ZNF804B: variants seen among roughly 807,000 people sequenced by gnomAD.
ZNF804B encodes the protein zinc finger protein 804B.
In ZNF804B, 80 loss-of-function variants were observed where a neutral mutation model predicts 101.4. The observed-to-expected ratio is 0.79, with a 90% CI of 0.66 to 0.95. ZNF804B has a LOEUF of 0.95. Ranked by LOEUF, ZNF804B falls within the 40% of genes least tolerant of loss-of-function variation. The pLI is 0.00. For missense variants in ZNF804B, 1,673 were observed against 1,561.9 expected, an observed-to-expected ratio of 1.07 and a Z score of -1.20; for synonymous variants, 622 against 558.8, an observed-to-expected ratio of 1.11 and a Z score of -1.59.
intron 1 of ZNF804B, among the ~76,000 whole-genome samples, chr7:88,804,486 A>G (rs952967211): frequency 4.6e-5 from 7 of 152,066 alleles, no homozygotes; most frequent in African/African-American, 7.2e-5. Context: ...TGTTTCTTTT[A>G]TCTTCTTTTA....
At chr7:88,960,371 A>C (rs1793371774) in intron 1 of ZNF804B, among the ~76,000 whole-genome samples, 1 of 151,230 alleles carries the variant, frequency 6.6e-6, no homozygotes. Context: ...ATGTGGCAGC[A>C]CCAGTGGTGT....
At chr7:89,108,239 T>C (rs1208038740) in intron 1 of ZNF804B, among the ~76,000 whole-genome samples, 5 of 151,682 alleles carry the variant, frequency 3.3e-5, no homozygotes, top group African/African-American at 1.2e-4. Context: ...TTTTTTTCTT[T>C]TCTTCCACCT....
In ZNF804B at chr7:89,263,528, A is replaced by G. The variant is rs137861500; in HGVS notation, c.249+45233A>G. ...ATGTATTCAAGTCTGCTATGTTGAAATAGAATTCAATAGTGACCTTCAAAA... is the reference window on the plus strand; with the variant it reads ...ATGTATTCAAGTCTGCTATGTTGAAGTAGAATTCAATAGTGACCTTCAAAA... On this transcript the variant is annotated intron_variant, in intron 2 of 3. Transcript: ENST00000333190. Among the ~76,000 whole-genome samples the G allele has an allele frequency of 4.6e-5, 7 of 152,288 alleles. No homozygotes were observed. In the East Asian group the frequency reaches 1.4e-3, roughly 29 times the overall value.
intron 2 of ZNF804B, among the ~76,000 whole-genome samples, chr7:89,242,876 C>T (rs918872865): frequency 6.6e-6 from 1 of 151,724 alleles, no homozygotes; most frequent in Non-Finnish European, 1.5e-5. Flanking sequence ...GTTTTACTTA[C>T]CAATTAAATC....
rs140333866 is a variant in ZNF804B at position 88,982,569 on chromosome 7, G to A, written c.108+222485G>A. On this transcript the variant is annotated intron_variant, in intron 1 of 3. Transcript: ENST00000333190. ...CCCTCACATAGTTGTCCCCAGGTCTGTATTGACTGTGTCCTAATCTTTCCT... is the reference window on the plus strand; with the variant it reads ...CCCTCACATAGTTGTCCCCAGGTCTATATTGACTGTGTCCTAATCTTTCCT... Among the ~76,000 whole-genome samples the A allele has an allele frequency of 2.6e-4, 39 of 152,150 alleles. No individual in the cohort carries two copies. The East Asian group carries it at 4.1e-3, about 16-fold the overall frequency.
At chr7:88,802,020 G>A (rs913565375) in intron 1 of ZNF804B, among the ~76,000 whole-genome samples, 2 of 151,998 alleles carry the variant, frequency 1.3e-5, no homozygotes, top group Admixed American at 6.6e-5. Context: ...TGGATCTTGG[G>A]GCAGTTTCCC....
At chr7:89,177,702 G>T (rs1460759848) in intron 1 of ZNF804B, among the ~76,000 whole-genome samples, 2 of 152,160 alleles carry the variant, frequency 1.3e-5, no homozygotes, top group East Asian at 3.8e-4. Flanking sequence ...TGAAAATGGG[G>T]TGTTGAATTC....
Position 88,868,399 on chromosome 7 carries a change from A to G in ZNF804B, c.108+108315A>G, listed in dbSNP as rs921119259. ...GGTATTTGAGTATAATATGTAATCTATTATTTTCTCATTACTTCTACCTCA... is the reference window on the plus strand; with the variant it reads ...GGTATTTGAGTATAATATGTAATCTGTTATTTTCTCATTACTTCTACCTCA... On this transcript the variant is annotated intron_variant, in intron 1 of 3. Transcript: ENST00000333190. 3.3e-5 allele frequency among the ~76,000 whole-genome samples: 5 copies of G among 152,276 alleles called. No individual in the cohort carries two copies. In the South Asian group the frequency reaches 8.3e-4, roughly 25 times the overall value.
chr7:88,799,370 T>G (rs1275163836), intron 1 of ZNF804B, among the ~76,000 whole-genome samples: 1 of 152,030 alleles, frequency 6.6e-6, no homozygotes, highest in East Asian at 1.9e-4. Context: ...AACCAAAATT[T>G]AGAGTAGTTA....
chr7:89,335,366 A>T lies in ZNF804B; in HGVS notation c.2384A>T (p.Lys795Ile). 6.2e-7 allele frequency: 1 copy of T among 1,613,732 alleles called. No homozygotes were observed. Among genetic ancestry groups the T allele is most frequent in the Non-Finnish European group, 8.5e-7 (1 of 1,179,934 alleles). Residue 795 changes from lysine to isoleucine, a missense_variant, in exon 4 of 4, where the codon AAA becomes ATA. Lys to Ile is a moderately radical substitution (Grantham distance 102). Coordinates refer to ENST00000333190, the MANE Select transcript of ZNF804B (RefSeq NM_181646.5). ...TTGTGGGAATCATTTAAAAATGAAA[A>T]ATACTCAAAACGTAGATATTGTCAC... ...CKLWESFKNEKYSKRRYCHCR... is the reference protein window; with the variant it reads ...CKLWESFKNEIYSKRRYCHCR...
intron 1 of ZNF804B, among the ~76,000 whole-genome samples, chr7:88,877,032 TATATATATATA>T (rs1562820457): frequency 3.3e-4 from 15 of 44,968 alleles, no homozygotes; most frequent in African/African-American, 1.7e-3. Context: ...ATATAATATA[TATATATATATA>T]TATATATTTT....
chr7:89,091,323 C>T (rs544298180), intron 1 of ZNF804B, among the ~76,000 whole-genome samples: 2 of 151,832 alleles, frequency 1.3e-5, no homozygotes, highest in Non-Finnish European at 2.9e-5. Context: ...TCCTTTCAAA[C>T]ATGGTGAGAC....
intron 1 of ZNF804B, among the ~76,000 whole-genome samples, chr7:88,987,762 A>G (rs1793785878): frequency 6.6e-6 from 1 of 152,122 alleles, no homozygotes; most frequent in Non-Finnish European, 1.5e-5. Context: ...GGTTGGGAAC[A>G]TTCCAAGTCT....
intron 1 of ZNF804B, among the ~76,000 whole-genome samples, chr7:88,961,927 A>T (rs1225977432): frequency 1.3e-5 from 2 of 151,298 alleles, no homozygotes; most frequent in African/African-American, 4.8e-5. Context: ...AACGAATACC[A>T]AACAGTAAAG....
rs916459701 is a variant in ZNF804B at position 89,269,006 on chromosome 7, C to A, written c.249+50711C>A. Among the ~76,000 whole-genome samples, 27 of 151,784 alleles carry A rather than the reference C, an allele frequency of 1.8e-4. 1 individual carries two copies. The highest frequency in any genetic ancestry group is 9.9e-4 in the Admixed American group (15 of 15,204). On this transcript the variant is annotated intron_variant, in intron 2 of 3. Transcript: ENST00000333190. ...CATTCAGTGCCTTGCCTAGATTGTTCTTTTTTATTTTTTATTTTTTGGTAA... is the reference window on the plus strand; with the variant it reads ...CATTCAGTGCCTTGCCTAGATTGTTATTTTTTATTTTTTATTTTTTGGTAA...
chr7:89,271,653 C>G (rs1789897708), intron 2 of ZNF804B, among the ~76,000 whole-genome samples: 1 of 152,098 alleles, frequency 6.6e-6, no homozygotes, highest in African/African-American at 2.4e-5. Context: ...GGTACCAGCT[C>G]CTCTTTGTAC....
intron 1 of ZNF804B, among the ~76,000 whole-genome samples, chr7:88,849,770 A>G (rs1195913990): frequency 1.3e-5 from 2 of 151,650 alleles, no homozygotes; most frequent in Non-Finnish European, 2.9e-5. Context: ...ATAGATGGAC[A>G]TTTCCATTCA....
chr7:89,306,244 T>C (rs1444924213), intron 2 of ZNF804B, among the ~76,000 whole-genome samples: 2 of 151,968 alleles, frequency 1.3e-5, no homozygotes, highest in Non-Finnish European at 2.9e-5. Context: ...TCTTATCCCA[T>C]TATCGTTGTG....
intron 1 of ZNF804B, among the ~76,000 whole-genome samples, chr7:89,027,625 CATT>C (rs1450544788): frequency 6.6e-6 from 1 of 152,148 alleles, no homozygotes; most frequent in East Asian, 1.9e-4. Context: ...CTCCCTCTCT[CATT>C]ATGTATAGGA....
Sources: allele counts gnomAD v4.1 joint callset (sites outside exome capture counted in the v4.1 genomes callset), GRCh38; gene constraint gnomAD v4.1.1; transcripts MANE v1.5; gene names NCBI Gene and HGNC (gene_info 2026-07-23, HGNC 2026-07-21).